ARID1A: variants seen among roughly 807,000 people sequenced by gnomAD.
The protein encoded by ARID1A is AT-rich interaction domain 1A.
In ARID1A, 20 loss-of-function variants were observed where a neutral mutation model predicts 212.6. That is an observed-to-expected ratio of 0.09 (90% CI 0.07 to 0.14). The LOEUF (loss-of-function observed/expected upper bound fraction) is 0.14, where lower values mean the gene tolerates loss of function less well. Ranked by LOEUF, ARID1A falls within the 10% of genes least tolerant of loss-of-function variation. ARID1A has a pLI of 1.00. For synonymous variants in ARID1A, 1,376 were observed against 1,222.1 expected, an observed-to-expected ratio of 1.13 and a Z score of -2.63; for missense variants, 2,587 against 3,059.0, an observed-to-expected ratio of 0.85 and a Z score of 3.64.
intron 4 of ARID1A, among the ~76,000 whole-genome samples, chr1:26,755,900 C>T (rs2080931212): frequency 6.6e-6 from 1 of 151,936 alleles, no homozygotes; most frequent in Admixed American, 6.6e-5. Context: ...CCTGCCACCA[C>T]ACCTGGCTAT....
intron 1 of ARID1A, among the ~76,000 whole-genome samples, chr1:26,715,408 G>A (rs2080493299): frequency 6.6e-6 from 1 of 152,194 alleles, no homozygotes; most frequent in Non-Finnish European, 1.5e-5. Flanking sequence ...AACATCAAAA[G>A]GACAGCAATA....
At chr1:26,767,220 G>C (rs34201939) in intron 10 of ARID1A, among the ~76,000 whole-genome samples, 10,480 of 152,238 alleles carry the variant, frequency 0.069, 400 homozygotes, top group Non-Finnish European at 0.08. Context: ...TTTTGACCAC[G>C]TTCCTGTCTT....
intron 1 of ARID1A, among the ~76,000 whole-genome samples, chr1:26,702,671 G>GA (rs1395870736): frequency 6.6e-5 from 10 of 152,160 alleles, no homozygotes; most frequent in Admixed American, 2.0e-4. Context: ...TAACATTGGG[G>GA]AAAAAGACTT....
chr1:26,699,196 A>T (rs1387978319), intron 1 of ARID1A, among the ~76,000 whole-genome samples: 1 of 152,210 alleles, frequency 6.6e-6, no homozygotes, highest in African/African-American at 2.4e-5. Context: ...CTTCCAAGAT[A>T]TGAAGATACG....
chr1:26,760,477 CG>C (rs2080980472), intron 4 of ARID1A, among the ~76,000 whole-genome samples: 1 of 152,058 alleles, frequency 6.6e-6, no homozygotes. Flanking sequence ...CACCTGAGGT[CG>C]GGAGTTCAAG....
chr1:26,738,886 T>C (rs1181914372), intron 4 of ARID1A, among the ~76,000 whole-genome samples: 1 of 147,246 alleles, frequency 6.8e-6, no homozygotes, highest in Non-Finnish European at 1.5e-5. Flanking sequence ...GTTTTTTTTT[T>C]TTTTTTTGAG....
chr1:26,766,783 A>C (rs572982030), intron 10 of ARID1A, among the ~76,000 whole-genome samples: 1 of 152,292 alleles, frequency 6.6e-6, no homozygotes, highest in East Asian at 1.9e-4. Flanking sequence ...CTGGTAAATA[A>C]CATAATATTC....
chr1:26,708,856 G>T (rs1006475123), intron 1 of ARID1A, among the ~76,000 whole-genome samples: 1 of 151,520 alleles, frequency 6.6e-6, no homozygotes, highest in Non-Finnish European at 1.5e-5. Context: ...CACCACGCCC[G>T]GCTAATTTTT....
intron 1 of ARID1A, among the ~76,000 whole-genome samples, chr1:26,713,317 C>A (rs1222475861): frequency 1.3e-5 from 2 of 151,558 alleles, no homozygotes; most frequent in Non-Finnish European, 2.9e-5. Context: ...AATGGAGATA[C>A]AACATACACC....
In ARID1A at chr1:26,748,483, C is replaced by T. The variant is rs2080856823; in HGVS notation, c.1921-12373C>T. Among the ~76,000 whole-genome samples the T allele has an allele frequency of 2.0e-5, 3 of 152,200 alleles. No individual in the cohort carries two copies. The East Asian group carries it at 5.8e-4, about 29-fold the overall frequency. Reference sequence around the variant, plus strand: ...CTTGGCTTTGAGAAAGTAGGGGGTTCCTAACTTCTTTGCCTTCTCTAGCTT... The same window carrying T: ...CTTGGCTTTGAGAAAGTAGGGGGTTTCTAACTTCTTTGCCTTCTCTAGCTT... On this transcript the variant is annotated intron_variant, in intron 4 of 19. Coordinates refer to ENST00000324856, the MANE Select transcript of ARID1A (RefSeq NM_006015.6).
intron 5 of ARID1A, 28 bp from the exon 6 acceptor site, chr1:26,761,356 T>C (rs1230242815): frequency 1.9e-6 from 3 of 1,612,340 alleles, no homozygotes; most frequent in Middle Eastern, 1.6e-4. Flanking sequence ...AGCCATGATA[T>C]GCTTATGTTG....
At chr1:26,699,850 A>G (rs1173003611) in intron 1 of ARID1A, among the ~76,000 whole-genome samples, 1 of 152,228 alleles carries the variant, frequency 6.6e-6, no homozygotes, top group African/African-American at 2.4e-5. Flanking sequence ...CAAAGGTTTT[A>G]AAGAAAAAGC....
At chr1:26,743,320 G>C (rs968149053) in intron 4 of ARID1A, among the ~76,000 whole-genome samples, 1 of 152,138 alleles carries the variant, frequency 6.6e-6, no homozygotes, top group Non-Finnish European at 1.5e-5. Context: ...TACTCTCTCT[G>C]AGACTTCTTC....
intron 4 of ARID1A, among the ~76,000 whole-genome samples, chr1:26,738,694 G>A (rs771422293): frequency 1.3e-4 from 20 of 151,742 alleles, no homozygotes; most frequent in Admixed American, 3.9e-4. Flanking sequence ...GAGTAGCTGG[G>A]ATTACAGGTG....
intron 4 of ARID1A, among the ~76,000 whole-genome samples, chr1:26,739,252 C>G (rs913599104): frequency 2.0e-5 from 3 of 152,104 alleles, no homozygotes; most frequent in African/African-American, 7.2e-5. Flanking sequence ...GAAAGTGTAC[C>G]TAGGATAGAG....
chr1:26,707,200 ATTTTTT>A (rs751639614), intron 1 of ARID1A, among the ~76,000 whole-genome samples: 1 of 102,612 alleles, frequency 9.7e-6, no homozygotes, highest in Non-Finnish European at 2.1e-5. Context: ...CGGCTGGCTA[ATTTTTT>A]TTTTTTTTTT....
chr1:26,781,146 CTG>C lies in ARID1A; in HGVS notation c.*392_*393del, dbSNP rs1188206844. The C allele has an allele frequency of 4.2e-6, 1 of 237,744 alleles. No homozygotes were observed. The highest frequency in any genetic ancestry group is 8.0e-6 in the Non-Finnish European group (1 of 124,554). 14.7% of individuals were successfully genotyped at this position (237,744 alleles called of 1,614,324 possible). A position where few individuals can be genotyped will look rare whatever the true frequency, so the allele number is the denominator to read the frequency against. On this transcript the variant is annotated 3_prime_UTR_variant, in exon 20 of 20. Coordinates refer to ENST00000324856, the MANE Select transcript of ARID1A (RefSeq NM_006015.6). ...ATCAACGGGATGCCACATTTCATAA[CTG>C]TTTTTAATGGTAAAAAAAAAAAAAA...
At chr1:26,755,881 C>G (rs1247315886) in intron 4 of ARID1A, among the ~76,000 whole-genome samples, 1 of 151,816 alleles carries the variant, frequency 6.6e-6, no homozygotes, top group Non-Finnish European at 1.5e-5. Flanking sequence ...GTAACTGGGA[C>G]TGCAGGCACC....
rs965350619 is a variant in ARID1A at position 26,696,124 on chromosome 1, C to G, written c.-280C>G. On this transcript the variant is annotated 5_prime_UTR_variant, in exon 1 of 20. Coordinates refer to ENST00000324856, the MANE Select transcript of ARID1A (RefSeq NM_006015.6). ...AGGCAAGGGCTTGGGGGGAATGAGCCGGGAGAGCCGGGTCCCGAGCCTACA... is the reference window on the plus strand; with the variant it reads ...AGGCAAGGGCTTGGGGGGAATGAGCGGGGAGAGCCGGGTCCCGAGCCTACA... The G allele has an allele frequency of 4.3e-6, 2 of 462,904 alleles. No homozygotes were observed. The highest frequency in any genetic ancestry group is 6.2e-6 in the Non-Finnish European group (2 of 324,750). 28.7% of individuals were successfully genotyped at this position (462,904 alleles called of 1,614,324 possible).
Sources: allele counts gnomAD v4.1 joint callset (sites outside exome capture counted in the v4.1 genomes callset), GRCh38; gene constraint gnomAD v4.1.1; transcripts MANE v1.5; gene names NCBI Gene and HGNC (gene_info 2026-07-23, HGNC 2026-07-21).